PTPRM: variants seen among roughly 807,000 people sequenced by gnomAD.
PTPRM encodes the protein receptor-type tyrosine-protein phosphatase mu.
A neutral mutation model predicts 186.7 loss-of-function variants in PTPRM; 47 were observed. The ratio of observed to expected loss-of-function variants is 0.25; its 90% CI spans 0.20 to 0.32. PTPRM has a LOEUF of 0.32. PTPRM is among the 10% of genes least tolerant of loss of function. The probability of loss-of-function intolerance (pLI) is 1.00; values close to 1 mark genes in which losing one functional copy is unlikely to be tolerated. For missense variants in PTPRM, 1,494 were observed against 1,865.0 expected, an observed-to-expected ratio of 0.80 and a Z score of 3.66; for synonymous variants, 668 against 674.9, an observed-to-expected ratio of 0.99 and a Z score of 0.16.
intron 21 of PTPRM, 139 bp from the exon 22 acceptor site, chr18:8,319,039 G>T: frequency 1.6e-6 from 1 of 635,108 alleles, no homozygotes; most frequent in South Asian, 1.8e-5. Flanking sequence ...ACTCAGTGGT[G>T]CTGGGTTGGC....
chr18:8,390,666 C>T lies in PTPRM; in HGVS notation c.4208+3431C>T, dbSNP rs151273706. 1.1e-4 allele frequency among the ~76,000 whole-genome samples: 16 copies of T among 152,290 alleles called. 1 individual carries two copies. In the East Asian group the frequency reaches 2.3e-3, roughly 22 times the overall value. ...TGTCCCAGCCCAGCGCAGTGGCTCA[C>T]GCCTATAATCCCAGCACTTTGGGAG... On this transcript the variant is annotated intron_variant, in intron 31 of 32. Coordinates refer to ENST00000580170, the MANE Select transcript of PTPRM (RefSeq NM_001105244.2).
chr18:7,670,225 A>T (rs999504612), intron 1 of PTPRM, among the ~76,000 whole-genome samples: 1 of 152,066 alleles, frequency 6.6e-6, no homozygotes, highest in East Asian at 1.9e-4. Flanking sequence ...TTTTATGCTT[A>T]CACCTCAATT....
chr18:8,123,552 G>A (rs560619674), intron 13 of PTPRM, among the ~76,000 whole-genome samples: 23 of 152,268 alleles, frequency 1.5e-4, no homozygotes, highest in African/African-American at 5.1e-4. Flanking sequence ...TCAATTTATT[G>A]ACAGTTCTGT....
intron 1 of PTPRM, among the ~76,000 whole-genome samples, chr18:7,700,203 A>C (rs1440875061): frequency 1.3e-5 from 2 of 152,224 alleles, no homozygotes; most frequent in Non-Finnish European, 2.9e-5. Flanking sequence ...CTGAGATTGA[A>C]AATAAGGAAG....
rs1444691965 is a variant in PTPRM at position 8,323,189 on chromosome 18, C to T, written c.2956+3975C>T. ...TCAGATAACTCAGGGAAAGACCATG[C>T]AAGGCTGTTACTGAAGAAAGTGCTG... On this transcript the variant is annotated intron_variant, in intron 22 of 32. Transcript: ENST00000580170. Among the ~76,000 whole-genome samples the T allele has an allele frequency of 2.6e-5, 4 of 152,240 alleles. No individual in the cohort carries two copies. In the East Asian group the frequency reaches 7.7e-4, roughly 29 times the overall value.
intron 7 of PTPRM, among the ~76,000 whole-genome samples, chr18:8,000,456 T>C (rs997985122): frequency 2.0e-5 from 3 of 152,232 alleles, no homozygotes; most frequent in African/African-American, 4.8e-5. Flanking sequence ...TAAAATAATA[T>C]GTTTGGATTT....
At chr18:7,942,238 G>C (rs953020291) in intron 5 of PTPRM, among the ~76,000 whole-genome samples, 2 of 149,778 alleles carry the variant, frequency 1.3e-5, no homozygotes, top group Non-Finnish European at 3.0e-5. Context: ...AGCCAAGATC[G>C]AGCTGCTGCA....
chr18:7,809,171 G>GC (rs1424143846), intron 2 of PTPRM, among the ~76,000 whole-genome samples: 1 of 152,134 alleles, frequency 6.6e-6, no homozygotes, highest in Non-Finnish European at 1.5e-5. Flanking sequence ...TCTCTCATCA[G>GC]CCCCCTTCAT....
In PTPRM at chr18:7,982,056, A is replaced by G. The variant is rs190596375; in HGVS notation, c.1132+26642A>G. 4.6e-3 allele frequency among the ~76,000 whole-genome samples: 701 copies of G among 152,302 alleles called. 2 individuals carry two copies. Among genetic ancestry groups the G allele is most frequent in the Non-Finnish European group, 7.6e-3 (515 of 68,020 alleles). ...CCACTGTAGACTTTACAAACACTGT[A>G]CACTTAGGTTACATTAAATTTATTT... On this transcript the variant is annotated intron_variant, in intron 7 of 32. Coordinates refer to ENST00000580170, the MANE Select transcript of PTPRM (RefSeq NM_001105244.2).
At chr18:8,122,158 T>C (rs1400204090) in intron 13 of PTPRM, 1 of 152,566 alleles carries the variant, frequency 6.6e-6, no homozygotes, top group Non-Finnish European at 1.5e-5. Flanking sequence ...GATATACTGA[T>C]GGGGATTCTT....
At chr18:8,194,529 G>T (rs1176386172) in intron 14 of PTPRM, among the ~76,000 whole-genome samples, 5 of 152,212 alleles carry the variant, frequency 3.3e-5, no homozygotes, top group Admixed American at 3.3e-4. Flanking sequence ...CTGGAAACAG[G>T]CAGGCCCCTT....
chr18:7,782,178 A>T (rs952641446), intron 2 of PTPRM, among the ~76,000 whole-genome samples: 2 of 152,232 alleles, frequency 1.3e-5, no homozygotes, highest in African/African-American at 4.8e-5. Context: ...GAAACACCAC[A>T]GGCTCTGTGT....
chr18:8,141,170 G>A lies in PTPRM; in HGVS notation c.2168-2477G>A, dbSNP rs188590113. On this transcript the variant is annotated intron_variant, in intron 13 of 32. Transcript: ENST00000580170. Reference sequence around the variant, plus strand: ...AAAGCAGGAACTTCCTGGGCAAGGGGTCTGGAGTCAGTGACACCCACCCAT... The same window carrying A: ...AAAGCAGGAACTTCCTGGGCAAGGGATCTGGAGTCAGTGACACCCACCCAT... Among the ~76,000 whole-genome samples the A allele has an allele frequency of 3.3e-4, 51 of 152,246 alleles. 1 individual carries two copies. The highest frequency in any genetic ancestry group is 3.4e-3 in the Middle Eastern group (1 of 294).
At chr18:7,865,104 G>C (rs1476975985) in intron 2 of PTPRM, among the ~76,000 whole-genome samples, 1 of 152,094 alleles carries the variant, frequency 6.6e-6, no homozygotes, top group Non-Finnish European at 1.5e-5. Context: ...TGGGCTGAGA[G>C]GATGGGTTTT....
At chr18:7,902,151 A>G (rs1217151066) in intron 3 of PTPRM, among the ~76,000 whole-genome samples, 3 of 152,204 alleles carry the variant, frequency 2.0e-5, no homozygotes, top group Admixed American at 2.0e-4. Flanking sequence ...GGAACCTGTC[A>G]AGTTTGAGAA....
chr18:7,936,072 T>G (rs2051785750), intron 5 of PTPRM, among the ~76,000 whole-genome samples: 1 of 152,230 alleles, frequency 6.6e-6, no homozygotes, highest in Admixed American at 6.5e-5. Flanking sequence ...AAGACAGAGA[T>G]GGCCATGGTT....
intron 1 of PTPRM, among the ~76,000 whole-genome samples, chr18:7,624,561 CT>C (rs1669071707): frequency 6.6e-6 from 1 of 151,972 alleles, no homozygotes; most frequent in Non-Finnish European, 1.5e-5. Context: ...TCATGGCTTA[CT>C]GCAGCCTTGA....
chr18:8,392,157 G>A (rs1378179411), intron 31 of PTPRM, among the ~76,000 whole-genome samples: 3 of 152,156 alleles, frequency 2.0e-5, no homozygotes, highest in Non-Finnish European at 2.9e-5. Flanking sequence ...TTGCCTAGAT[G>A]TGGATTTTTT....
At chr18:7,836,206 A>T (rs1400401224) in intron 2 of PTPRM, among the ~76,000 whole-genome samples, 1 of 151,598 alleles carries the variant, frequency 6.6e-6, no homozygotes, top group East Asian at 1.9e-4. Context: ...AGTGAAGTTG[A>T]TTTTCTGTGG....
Sources: gnomAD v4.1 joint callset for allele counts (sites outside exome capture counted in the v4.1 genomes callset) on GRCh38, gnomAD v4.1.1 for gene constraint, MANE v1.5 for transcripts, NCBI Gene and HGNC (gene_info 2026-07-23, HGNC 2026-07-21) for gene names.